Variants in SUGCT observed in about 807,000 individuals in gnomAD.
SUGCT encodes the protein succinyl-CoA:glutarate-CoA transferase, also known as succinyl-CoA:glutarate CoA-transferase.
SUGCT carries 41 observed loss-of-function variants against 55.0 expected under a neutral mutation model. That is an observed-to-expected ratio of 0.74 (90% CI 0.58 to 0.97). The LOEUF is 0.97. SUGCT is among the 50% of genes least tolerant of loss of function. The probability of loss-of-function intolerance (pLI) is 0.00; values close to 1 mark genes in which losing one functional copy is unlikely to be tolerated. For missense variants in SUGCT, 568 were observed against 547.8 expected, an observed-to-expected ratio of 1.04 and a Z score of -0.37; for synonymous variants, 187 against 200.4, an observed-to-expected ratio of 0.93 and a Z score of 0.56.
chr7:40,786,424 T>C (rs73312224), intron 13 of SUGCT, among the ~76,000 whole-genome samples: 1 of 152,184 alleles, frequency 6.6e-6, no homozygotes, highest in Non-Finnish European at 1.5e-5. Flanking sequence ...AGCTGTGAGG[T>C]TGGCCTTACC....
chr7:40,827,337 G>A (rs749034055), intron 13 of SUGCT, among the ~76,000 whole-genome samples: 20 of 152,246 alleles, frequency 1.3e-4, no homozygotes, highest in Non-Finnish European at 2.4e-4. Context: ...CACTGGAATC[G>A]GGCACCTGCT....
rs11975346 is a variant in SUGCT, at chr7:40,509,911, C to T, written c.1089+13525C>T. Among the ~76,000 whole-genome samples, 336 of 152,182 alleles carry T rather than the reference C, an allele frequency of 2.2e-3. 1 individual carries two copies. The highest frequency in any genetic ancestry group is 7.4e-3 in the African/African-American group (308 of 41,524). ...TGTAGAGTTATTGCTCCATTGTACC[C>T]GCAACCTGAATGTTCCAACTTTAAA... On this transcript the variant is annotated intron_variant, in intron 12 of 13. Coordinates refer to ENST00000335693, the MANE Select transcript of SUGCT (RefSeq NM_001193313.2).
At chr7:40,945,061 A>G in the SUGCT span, among the ~76,000 whole-genome samples, 2 of 152,226 alleles carry the variant, frequency 1.3e-5, no homozygotes, top group South Asian at 2.1e-4. Context: ...ACTGGGTTGC[A>G]TAGTTCAGAC....
the SUGCT span, among the ~76,000 whole-genome samples, chr7:40,930,741 G>A: frequency 1.3e-5 from 2 of 152,190 alleles, no homozygotes; most frequent in East Asian, 3.9e-4. Context: ...TTGGTGTATA[G>A]GAATGCCTGT....
At chr7:40,823,329 T>A (rs1376147212) in intron 13 of SUGCT, among the ~76,000 whole-genome samples, 1 of 152,158 alleles carries the variant, frequency 6.6e-6, no homozygotes. Flanking sequence ...CAGACTCCTC[T>A]CTTAACATCT....
At chr7:40,539,309 A>G (rs894440063) in intron 12 of SUGCT, 2 of 152,124 alleles carry the variant, frequency 1.3e-5, no homozygotes, top group African/African-American at 2.4e-5. Context: ...TGTACTTTTT[A>G]TTCATAGTTT....
chr7:40,136,297 G>A (rs2150567051), intron 1 of SUGCT, among the ~76,000 whole-genome samples: 1 of 152,164 alleles, frequency 6.6e-6, no homozygotes, highest in Admixed American at 6.5e-5. Context: ...CGCGCCTGGC[G>A]TAGGATACAG....
intron 4 of SUGCT, among the ~76,000 whole-genome samples, chr7:40,189,180 A>T (rs1414413838): frequency 6.6e-6 from 1 of 152,062 alleles, no homozygotes; most frequent in South Asian, 2.1e-4. Flanking sequence ...CGTCTCTACT[A>T]AAAATACAAA....
At chr7:40,997,498 C>A in the SUGCT span, among the ~76,000 whole-genome samples, 5 of 152,146 alleles carry the variant, frequency 3.3e-5, no homozygotes, top group Admixed American at 6.5e-5. Context: ...GTTCACTTAC[C>A]ACCACCCTGC....
intron 6 of SUGCT, among the ~76,000 whole-genome samples, chr7:40,215,381 T>C (rs1787567056): frequency 6.6e-6 from 1 of 152,150 alleles, no homozygotes; most frequent in African/African-American, 2.4e-5. Context: ...CTTGAACTCC[T>C]AGGCTCAAGT....
In SUGCT at chr7:40,237,733, A is replaced by G. The variant is rs776554603; in HGVS notation, c.576+7A>G. On this transcript the variant is annotated splice_region_variant and intron_variant, in intron 7 of 13. Transcript: ENST00000335693. ...GCACATCACAGGGCCTGAGGTAGGT[A>G]TCCTTCCTTAGAATATTCATAATTT... 3.7e-6 allele frequency: 6 copies of G among 1,608,804 alleles called. No homozygotes were observed. The highest frequency in any genetic ancestry group is 5.1e-6 in the Non-Finnish European group (6 of 1,175,292).
chr7:40,335,760 C>T lies in SUGCT; in HGVS notation c.816+18905C>T, dbSNP rs190089948. On this transcript the variant is annotated intron_variant, in intron 9 of 13. Coordinates refer to ENST00000335693, the MANE Select transcript of SUGCT (RefSeq NM_001193313.2). ...TTATTTCTTTCTCCTCCCTGATTGC[C>T]CTGGCCAGAACTTCCAACACTATGT... Among the ~76,000 whole-genome samples the T allele has an allele frequency of 6.8e-3, 1,033 of 152,170 alleles. 9 individuals carry two copies. Among genetic ancestry groups the T allele is most frequent in the Non-Finnish European group, 8.6e-3 (585 of 68,026 alleles).
At chr7:40,885,612 C>T in the SUGCT span, among the ~76,000 whole-genome samples, 612 of 152,246 alleles carry the variant, frequency 4.0e-3, 2 homozygotes, top group Non-Finnish European at 6.1e-3. Context: ...TTTCCTTTCA[C>T]CAGTCCCTGG....
chr7:40,376,524 T>C (rs1052582056), intron 9 of SUGCT, among the ~76,000 whole-genome samples: 1 of 152,056 alleles, frequency 6.6e-6, no homozygotes, highest in Admixed American at 6.6e-5. Flanking sequence ...CCTGAGTAGC[T>C]GGGACTACAG....
chr7:40,146,069 A>G (rs897308850), intron 1 of SUGCT, among the ~76,000 whole-genome samples: 3 of 150,900 alleles, frequency 2.0e-5, no homozygotes, highest in Non-Finnish European at 4.4e-5. Flanking sequence ...TCATACTTTA[A>G]GGTTCTTGAG....
intron 13 of SUGCT, among the ~76,000 whole-genome samples, chr7:40,828,734 T>C (rs1374952416): frequency 1.3e-5 from 2 of 152,144 alleles, no homozygotes; most frequent in Admixed American, 6.5e-5. Flanking sequence ...AGAAAATGCA[T>C]GGGAAAGACT....
Position 40,749,424 on chromosome 7 carries a change from GC to G in SUGCT, c.1090-8del. ...GTAAATTATTTTTCTCTCTGTTTTT[GC>G]CTTTTCAGGTATTACACAATGGCCT... On this transcript the variant is annotated splice_polypyrimidine_tract_variant and intron_variant, in intron 12 of 13. Coordinates refer to ENST00000335693, the MANE Select transcript of SUGCT (RefSeq NM_001193313.2). 1 of 1,610,978 alleles carries G rather than the reference GC, an allele frequency of 6.2e-7. No individual in the cohort carries two copies. The highest frequency in any genetic ancestry group is 8.5e-7 in the Non-Finnish European group (1 of 1,177,330).
At chr7:40,369,880 A>G (rs1784201556) in intron 9 of SUGCT, among the ~76,000 whole-genome samples, 3 of 152,190 alleles carry the variant, frequency 2.0e-5, no homozygotes, top group Non-Finnish European at 4.4e-5. Context: ...GCTAGCATCT[A>G]GCAGCATTTC....
the SUGCT span, among the ~76,000 whole-genome samples, chr7:40,948,891 T>C: frequency 1.3e-5 from 2 of 152,212 alleles, no homozygotes; most frequent in Non-Finnish European, 2.9e-5. Context: ...TCTTTGCTAT[T>C]GTGAATATTG....
Sources: gnomAD v4.1 joint callset for allele counts (sites outside exome capture counted in the v4.1 genomes callset) on GRCh38, gnomAD v4.1.1 for gene constraint, MANE v1.5 for transcripts, NCBI Gene and HGNC (gene_info 2026-07-23, HGNC 2026-07-21) for gene names.